The following ZP4 variants were observed in gnomAD, a reference collection of about 807,000 sequenced individuals.
ZP4 encodes the protein zona pellucida sperm-binding protein 4.
A neutral mutation model predicts 62.3 loss-of-function variants in ZP4; 62 were observed. The ratio of observed to expected loss-of-function variants is 0.99; its 90% confidence interval spans 0.81 to 1.23. The LOEUF (loss-of-function observed/expected upper bound fraction) is 1.23. Ranked by LOEUF, ZP4 falls within the 50% of genes most tolerant of loss-of-function variation. The pLI, the probability that ZP4 is intolerant of heterozygous loss-of-function variation, is 0.00. For synonymous variants in ZP4, 289 were observed against 247.3 expected (o/e 1.17, Z -1.58); for missense variants, 774 against 656.0 (o/e 1.18, Z -1.97).
rs1170093675 is a variant in ZP4 at position 237,885,392 on chromosome 1, C to T, written c.1159G>A (p.Gly387Ser). Residue 387 changes from glycine (G) to serine (S), a missense_variant and splice_region_variant, in exon 8 of 12, where the codon GGC becomes AGC. Gly to Ser is a moderately conservative substitution (Grantham distance 56). Transcript: ENST00000366570. ...SQPQWPILVK[G>S]CPYIGDNYQT... The stretch of plus-strand genomic sequence containing the variant: ...CAGGTGTATGAAAGAACCACTTACC[C>T]CTTTACCAGGATGGGCCACTGTGGC... The T allele has an allele frequency of 6.2e-7, 1 of 1,610,958 alleles. No individual in the cohort carries two copies. Among genetic ancestry groups the T allele is most frequent in the African/African-American group, 1.3e-5 (1 of 74,798 alleles).
At chr1:237,888,128 G>T (rs1429297602) in intron 4 of ZP4, among the ~76,000 whole-genome samples, 1 of 152,210 alleles carries the variant, frequency 6.6e-6, no homozygotes, top group African/African-American at 2.4e-5. Flanking sequence ...GCAATTATCT[G>T]GCACATAGCC....
Position 237,886,765 on chromosome 1 carries a change from C to A in ZP4, c.839+6G>T, listed in dbSNP as rs1179914493. On this transcript the variant is annotated splice_donor_region_variant and intron_variant, in intron 6 of 11. Transcript: ENST00000366570. ...AGATGGGAAGTCATTCTGGCCAAGCCCTTACCTGAAGATGCTGTCACGAGT... is the reference window on the plus strand; with the variant it reads ...AGATGGGAAGTCATTCTGGCCAAGCACTTACCTGAAGATGCTGTCACGAGT... The A allele has an allele frequency of 6.2e-7, 1 of 1,613,190 alleles. No homozygotes were observed. Among genetic ancestry groups the A allele is most frequent in the South Asian group, 1.1e-5 (1 of 91,000 alleles).
In ZP4 at chr1:237,885,571, T is replaced by C; in HGVS notation, c.980A>G (p.Tyr327Cys). ...LELQIAKDKNYGSYYGVGDYP... is the reference protein window; with the variant it reads ...LELQIAKDKNCGSYYGVGDYP... ...GTCACCAACACCGTAGTAAGAGCCA[T>C]AGTTTTTATCTGCAAGAGGCAGAAA... is the stretch of plus-strand genomic sequence containing the variant. The change falls in exon 8 of 12, where the codon TAT becomes TGT. Residue 327 changes from tyrosine (Y) to cysteine (C), a missense_variant. Physicochemically the swap from Tyr to Cys is radical, Grantham distance 194 (BLOSUM62 -2). Transcript: ENST00000366570. The C allele has an allele frequency of 1.9e-6, 3 of 1,613,104 alleles. No homozygotes were observed. Among genetic ancestry groups the C allele is most frequent in the Non-Finnish European group, 2.5e-6 (3 of 1,179,678 alleles).
chr1:237,884,527 G>A (rs894381522), intron 10 of ZP4, among the ~76,000 whole-genome samples: 1 of 152,124 alleles, frequency 6.6e-6, no homozygotes, highest in Admixed American at 6.5e-5. Context: ...CTTGGTTGGT[G>A]GATGAATTAA....
Position 237,885,661 on chromosome 1 carries a change from G to A in ZP4, c.971-81C>T, listed in dbSNP as rs371780341. On this transcript the variant is annotated intron_variant, in intron 7 of 11. Transcript: ENST00000366570. The stretch of plus-strand genomic sequence containing the variant: ...CTGTCACCCCTTTAAATAGCCCCAA[G>A]CCCCTTAAGTGTCTTGTTACTAACT... 2.6e-5 allele frequency: 42 copies of A among 1,592,866 alleles called. No individual in the cohort carries two copies. The East Asian group carries it at 2.9e-4, about 11-fold the overall frequency.
intron 3 of ZP4, 78 bp downstream of exon 3, chr1:237,889,789 A>C (rs1007208820): frequency 4.1e-6 from 5 of 1,226,046 alleles, no homozygotes; most frequent in African/African-American, 3.0e-5. Flanking sequence ...TGCACAGAGC[A>C]GGTCAGAGAG....
chr1:237,888,478 A>C lies in ZP4; in HGVS notation c.433T>G (p.Ser145Ala). The C allele has an allele frequency of 1.9e-6, 3 of 1,609,138 alleles. No individual in the cohort carries two copies. In the South Asian group the frequency reaches 3.3e-5, roughly 18 times the overall value. Residue 145 changes from serine to alanine, a missense_variant, in exon 4 of 12, where the codon TCC (serine) becomes GCC (alanine). By Grantham distance (99) the Ser-to-Ala change is moderately conservative. Transcript: ENST00000366570. ...RDAPDTDWCDSIPARDRLPCA... is the reference protein window; with the variant it reads ...RDAPDTDWCDAIPARDRLPCA... ...GGCAGTCTGTCCCGTGCTGGGATGGAGTCACACCAGTCAGTATCTGGAGCA... is the reference window on the plus strand; with the variant it reads ...GGCAGTCTGTCCCGTGCTGGGATGGCGTCACACCAGTCAGTATCTGGAGCA...
In ZP4 at chr1:237,883,710, AGGGCGG is replaced by A. The variant is rs1664982882; in HGVS notation, c.1391-870_1391-865del. Among the ~76,000 whole-genome samples the A allele has an allele frequency of 2.0e-3, 35 of 17,496 alleles. 1 individual carries two copies. Among genetic ancestry groups the A allele is most frequent in the African/African-American group, 5.4e-3 (19 of 3,492 alleles). 11.5% of individuals were successfully genotyped at this position (17,496 alleles called of 152,430 possible). ...GGGGGAGGGCGGGGGAGGGCGGGGG[AGGGCGG>A]GGGAGGGCGGGGGAGGGAGAGAGAG... On this transcript the variant is annotated intron_variant, in intron 10 of 11. Transcript: ENST00000366570.
Position 237,890,695 on chromosome 1 carries a change from G to C in ZP4, c.-60C>G. On this transcript the variant is annotated 5_prime_UTR_variant, in exon 1 of 12. Coordinates refer to ENST00000366570, the MANE Select transcript of ZP4 (RefSeq NM_021186.5). ...TCCGCCTCCTCTCCCAAGAGCCGAG[G>C]GTCTGCCTGCCCAGATTCCTTTATA... 1.9e-6 allele frequency: 3 copies of C among 1,554,322 alleles called. No individual in the cohort carries two copies. The highest frequency in any genetic ancestry group is 2.3e-4 in the Middle Eastern group (1 of 4,348).
At chr1:237,886,936 C>T (rs1665117864) in intron 5 of ZP4, 68 bp from the exon 6 acceptor site, 15 of 1,393,550 alleles carry the variant, frequency 1.1e-5, no homozygotes, top group Non-Finnish European at 1.4e-5. Flanking sequence ...TGCATCTGGT[C>T]TAAGCCCTCA....
chr1:237,884,032 A>AC (rs1491484311), intron 10 of ZP4, among the ~76,000 whole-genome samples: 28 of 91,318 alleles, frequency 3.1e-4, no homozygotes, highest in African/African-American at 1.3e-3. Context: ...ACACACACAC[A>AC]AACACACACA....
chr1:237,884,955 A>G (rs1665060463), intron 9 of ZP4, 108 bp from the exon 10 acceptor site: 3 of 1,316,986 alleles, frequency 2.3e-6, no homozygotes, highest in Non-Finnish European at 2.1e-6. Context: ...GAAAATTGAT[A>G]TGGTCCAAGT....
chr1:237,889,570 C>T (rs1029929463), intron 3 of ZP4, among the ~76,000 whole-genome samples: 5 of 152,086 alleles, frequency 3.3e-5, no homozygotes, highest in African/African-American at 1.2e-4. Context: ...GCCTCAGCCT[C>T]CCAAAGTGCT....
intron 10 of ZP4, among the ~76,000 whole-genome samples, chr1:237,883,956 T>TCACACA (rs142077564): frequency 7.9e-5 from 10 of 127,118 alleles, no homozygotes; most frequent in African/African-American, 3.4e-4. Flanking sequence ...CAAGAACTGG[T>TCACACA]CACACACACA....
At chr1:237,887,890 A>T (rs1346881895) in intron 4 of ZP4, among the ~76,000 whole-genome samples, 1 of 150,474 alleles carries the variant, frequency 6.6e-6, no homozygotes, top group Admixed American at 6.6e-5. Flanking sequence ...GTGTGCGATT[A>T]TTAGGTTGGT....
chr1:237,884,027 C>CACAA (rs1665030160), intron 10 of ZP4, among the ~76,000 whole-genome samples: 3 of 84,106 alleles, frequency 3.6e-5, no homozygotes, highest in African/African-American at 5.4e-5. Flanking sequence ...AACACACACA[C>CACAA]ACACAAACAC....
At chr1:237,882,625 C>G (rs561770870) in intron 11 of ZP4, 76 bp from the exon 12 acceptor site, 1 of 1,566,052 alleles carries the variant, frequency 6.4e-7, no homozygotes, top group African/African-American at 1.4e-5. Context: ...GACTAGCAGT[C>G]TTCTGCTATA....
At chr1:237,888,733 T>C (rs1016107314) in intron 3 of ZP4, among the ~76,000 whole-genome samples, 3 of 152,208 alleles carry the variant, frequency 2.0e-5, no homozygotes, top group Non-Finnish European at 4.4e-5. Flanking sequence ...GCTATTAGTT[T>C]TTTAAAAACA....
rs1664984624 is a variant in ZP4 at position 237,883,722 on chromosome 1, G to GAAGA, written c.1391-877_1391-876insTCTT. Among the ~76,000 whole-genome samples, 80 of 59,804 alleles carry GAAGA rather than the reference G, an allele frequency of 1.3e-3. 8 individuals are homozygous for GAAGA. The highest frequency in any genetic ancestry group is 0.01 in the East Asian group (20 of 1,912). 39.2% of individuals were successfully genotyped at this position (59,804 alleles called of 152,430 possible). ...GGGAGGGCGGGGGAGGGCGGGGGAG[G>GAAGA]GCGGGGGAGGGAGAGAGAGGGAGAG... is the stretch of plus-strand genomic sequence containing the variant. On this transcript the variant is annotated intron_variant, in intron 10 of 11. Coordinates refer to ENST00000366570, the MANE Select transcript of ZP4 (RefSeq NM_021186.5).
Sources: gnomAD v4.1 joint callset for allele counts (sites outside exome capture counted in the v4.1 genomes callset) on GRCh38, gnomAD v4.1.1 for gene constraint, MANE v1.5 for transcripts, NCBI Gene and HGNC (gene_info 2026-07-23, HGNC 2026-07-21) for gene names.